The following SP140L variants were observed in gnomAD, a reference collection of about 807,000 sequenced individuals.
The protein encoded by SP140L is SP140 like nuclear body protein, also known as nuclear body protein SP140-like protein.
In SP140L, 64 loss-of-function variants were observed where a neutral mutation model predicts 84.3. That is an observed-to-expected ratio of 0.76 (90% confidence interval 0.62 to 0.94). SP140L has a LOEUF of 0.94. SP140L is among the 40% of genes least tolerant of loss of function. The pLI is 0.00. For synonymous variants in SP140L, 242 were observed against 236.9 expected (o/e 1.02, Z -0.20); for missense variants, 628 against 692.5 (o/e 0.91, Z 1.05).
chr2:230,328,987 T>C (rs2059654239), intron 2 of SP140L, among the ~76,000 whole-genome samples, 156 bp downstream of exon 2: 1 of 152,242 alleles, frequency 6.6e-6, no homozygotes, highest in African/African-American at 2.4e-5. Context: ...TTGTCTTTTT[T>C]TCATGATATG....
At chr2:230,352,432 A>G (rs2060391694) in intron 2 of SP140L, among the ~76,000 whole-genome samples, 1 of 152,148 alleles carries the variant, frequency 6.6e-6, no homozygotes, top group South Asian at 2.1e-4. Flanking sequence ...AAATCAGAGC[A>G]AGAGAGAGGG....
intron 13 of SP140L, among the ~76,000 whole-genome samples, chr2:230,394,737 C>T (rs11686798): frequency 0.43 from 65,550 of 151,960 alleles, 14,372 homozygotes; most frequent in Middle Eastern, 0.49. Flanking sequence ...AGAGGTCCCC[C>T]GAGTGGCAGA....
At chr2:230,371,005 G>T (rs749863140) in intron 6 of SP140L, 38 bp downstream of exon 6, 4 of 1,590,390 alleles carry the variant, frequency 2.5e-6, no homozygotes, top group Non-Finnish European at 8.6e-7. Context: ...GGGTGGCTCA[G>T]TGGGCCCCAC....
chr2:230,357,673 G>A lies in SP140L; in HGVS notation c.108-132G>A, dbSNP rs1243891409. ...GTTGCTTCAATTCCATTTATTCTGG[G>A]CTCTACTGAGGACCACCTATTTTAT... On this transcript the variant is annotated intron_variant, in intron 2 of 18. Coordinates refer to ENST00000415673, the MANE Select transcript of SP140L (RefSeq NM_138402.6). 3 of 814,946 alleles carry A rather than the reference G, an allele frequency of 3.7e-6. No homozygotes were observed. In the African/African-American group the frequency reaches 5.2e-5, roughly 14 times the overall value. The allele number at this position is 814,946 out of a possible 1,614,324, so 50.5% of individuals were successfully genotyped here.
In SP140L at chr2:230,379,406, A is replaced by G. The variant is rs1045807118; in HGVS notation, c.638-4104A>G. On this transcript the variant is annotated intron_variant, in intron 7 of 18. Transcript: ENST00000415673. The stretch of plus-strand genomic sequence containing the variant: ...TGTAATCTTATTAATCATGCCCCAA[A>G]CCCCAGAGATGACAAGGATCTTGTA... Among the ~76,000 whole-genome samples the G allele has an allele frequency of 2.6e-5, 4 of 152,178 alleles. No homozygotes were observed. In the South Asian group the frequency reaches 6.2e-4, roughly 24 times the overall value.
At chr2:230,400,914 C>G (rs916469325) in intron 15 of SP140L, 41 bp from the exon 16 acceptor site, 34 of 1,361,108 alleles carry the variant, frequency 2.5e-5, no homozygotes, top group Middle Eastern at 2.5e-4. Context: ...TGGCCATTTC[C>G]AAGCTCCCTG....
At chr2:230,332,123 G>A (rs912739533) in intron 2 of SP140L, among the ~76,000 whole-genome samples, 19 of 151,816 alleles carry the variant, frequency 1.3e-4, no homozygotes, top group African/African-American at 4.4e-4. Flanking sequence ...TTTCTGCTCC[G>A]GTTTACTAAG....
chr2:230,367,309 T>C (rs111419474), intron 5 of SP140L, among the ~76,000 whole-genome samples: 1 of 148,512 alleles, frequency 6.7e-6, no homozygotes, highest in Non-Finnish European at 1.5e-5. Flanking sequence ...TTTTTTTTTT[T>C]TGAGACAGAG....
rs897458937 is a variant in SP140L at position 230,348,604 on chromosome 2, AC to A, written c.108-9199del. Among the ~76,000 whole-genome samples, 4 of 152,224 alleles carry A rather than the reference AC, an allele frequency of 2.6e-5. 1 individual carries two copies. Among genetic ancestry groups the A allele is most frequent in the Admixed American group, 2.6e-4 (4 of 15,282 alleles). ...ATAGAGCTGTCAGAATTCTTTACAT[AC>A]CTGAATATAAGTAGTTTATTGAAAA... On this transcript the variant is annotated intron_variant, in intron 2 of 18. Transcript: ENST00000415673.
intron 7 of SP140L, among the ~76,000 whole-genome samples, chr2:230,375,968 T>C (rs2061229491): frequency 6.6e-6 from 1 of 152,198 alleles, no homozygotes; most frequent in Admixed American, 6.5e-5. Flanking sequence ...GTGTCTTATC[T>C]AAAAGATAAT....
intron 9 of SP140L, 82 bp downstream of exon 9, chr2:230,385,386 T>G (rs1397330051): frequency 6.1e-6 from 8 of 1,315,356 alleles, no homozygotes; most frequent in Non-Finnish European, 4.3e-6. Flanking sequence ...AGAAGCTTTA[T>G]TGTTTACTAG....
chr2:230,333,526 C>T (rs2059784362), intron 2 of SP140L, among the ~76,000 whole-genome samples: 1 of 152,158 alleles, frequency 6.6e-6, no homozygotes. Flanking sequence ...TCTGGCTCAT[C>T]TCTTTAATCC....
At chr2:230,382,912 G>C (rs1167774936) in intron 7 of SP140L, among the ~76,000 whole-genome samples, 1 of 152,228 alleles carries the variant, frequency 6.6e-6, no homozygotes, top group Non-Finnish European at 1.5e-5. Context: ...GACTGCAAAT[G>C]GTCCAGACAG....
chr2:230,379,077 C>CT (rs1049141155), intron 7 of SP140L, among the ~76,000 whole-genome samples: 2 of 152,134 alleles, frequency 1.3e-5, no homozygotes, highest in East Asian at 1.9e-4. Context: ...GTTATATAAA[C>CT]TTTTTTTTCA....
intron 2 of SP140L, among the ~76,000 whole-genome samples, chr2:230,354,853 G>GAAAGAA (rs1221299921): frequency 1.9e-5 from 1 of 53,030 alleles, no homozygotes; most frequent in East Asian, 1.2e-3. Flanking sequence ...AGAAAGGAAA[G>GAAAGAA]AAAGAAAGAA....
At position 230,392,144 on chromosome 2, in the gene SP140L, T is replaced by C. The variant is rs1157739166; in HGVS notation, c.1022T>C (p.Phe341Ser). 3 of 1,613,966 alleles carry C rather than the reference T, an allele frequency of 1.9e-6. No individual in the cohort carries two copies. The highest frequency in any genetic ancestry group is 1.7e-5 in the Admixed American group (1 of 60,006). ...EDGKWFTPMEFEIKGGYARSK... is the reference protein window; with the variant it reads ...EDGKWFTPMESEIKGGYARSK... ...GGAAAATGGTTCACCCCCATGGAAT[T>C]TGAAATCAAAGGAGGCTACGCAAGA... The change falls in exon 12 of 19, where the codon TTT becomes TCT. Residue 341 changes from phenylalanine (F) to serine (S), a missense_variant. Phe to Ser is a radical substitution (Grantham distance 155). This residue lies in a region of SP140L where 525 missense variants were observed against 518.4 expected (regional missense o/e 1.01). Coordinates refer to ENST00000415673, the MANE Select transcript of SP140L (RefSeq NM_138402.6).
At chr2:230,362,520 T>TGA (rs910356655) in intron 5 of SP140L, among the ~76,000 whole-genome samples, 13 of 150,342 alleles carry the variant, frequency 8.6e-5, no homozygotes, top group Admixed American at 4.6e-4. Context: ...ATGTAGGTAT[T>TGA]GAGAGAGAGA....
At chr2:230,346,929 A>C (rs1175607498) in intron 2 of SP140L, among the ~76,000 whole-genome samples, 1 of 151,970 alleles carries the variant, frequency 6.6e-6, no homozygotes, top group East Asian at 1.9e-4. Flanking sequence ...TAGGGGTTTT[A>C]TTTTTTGCTG....
chr2:230,343,701 G>A (rs576744686), intron 2 of SP140L, among the ~76,000 whole-genome samples: 1 of 152,300 alleles, frequency 6.6e-6, no homozygotes, highest in South Asian at 2.1e-4. Flanking sequence ...CAAAAACAGT[G>A]TAAAAGCATT....
Sources: gnomAD v4.1 joint callset for allele counts (sites outside exome capture counted in the v4.1 genomes callset) on GRCh38, gnomAD v4.1.1 for gene constraint, gnomAD v4.1.1 regional missense constraint, MANE v1.5 for transcripts, NCBI Gene and HGNC (gene_info 2026-07-23, HGNC 2026-07-21) for gene names.